The following CDAN1 variants were observed in gnomAD, a reference collection of about 807,000 sequenced individuals.
The protein encoded by CDAN1 is codanin-1.
In CDAN1, 107 loss-of-function variants were observed where a neutral mutation model predicts 139.8. The ratio of observed to expected loss-of-function variants is 0.77; its 90% CI spans 0.65 to 0.90. CDAN1 has a LOEUF of 0.90. CDAN1 is among the 40% of genes least tolerant of loss of function. CDAN1 has a pLI of 0.00. For synonymous variants in CDAN1, 776 were observed against 660.6 expected, an observed-to-expected ratio of 1.17 and a Z score of -2.68; for missense variants, 1,667 against 1,575.7, an observed-to-expected ratio of 1.06 and a Z score of -0.98.
intron 10 of CDAN1, among the ~76,000 whole-genome samples, chr15:42,732,089 A>G (rs1229911380): frequency 2.6e-5 from 4 of 152,218 alleles, no homozygotes; most frequent in Non-Finnish European, 5.9e-5. Flanking sequence ...TCTTTACCAC[A>G]GCACAAATCA....
intron 20 of CDAN1, among the ~76,000 whole-genome samples, 163 bp from the exon 21 acceptor site, chr15:42,728,430 C>G (rs1399300407): frequency 6.6e-6 from 1 of 152,022 alleles, no homozygotes; most frequent in Non-Finnish European, 1.5e-5. Context: ...AAGACAAGCC[C>G]AACTGCCAGC....
rs1298094671 is a variant in CDAN1, at chr15:42,731,309, T to C, written c.1762A>G (p.Met588Val). 2.5e-6 allele frequency: 4 copies of C among 1,613,400 alleles called. No homozygotes were observed. The highest frequency in any genetic ancestry group is 2.5e-6 in the Non-Finnish European group (3 of 1,179,592). The change falls in exon 12 of 28, where the codon ATG becomes GTG. Residue 588 changes from methionine (M) to valine (V), a missense_variant. Met to Val is a conservative substitution (Grantham distance 21). Around this residue, in one of 3 missense-constraint regions of CDAN1, gnomAD observed 936 missense variants for 844.1 expected, o/e 1.11. Transcript: ENST00000356231. ...ASSFQFNQHL[M>V]DSLSLKIQEL... ...TGGATCTTCAAGCTCAGACTGTCCA[T>C]GAGATGCTGGTTAAACTGGAAGCTG... is the stretch of plus-strand genomic sequence containing the variant.
chr15:42,724,625 CATA>C lies in CDAN1; in HGVS notation c.3559-12_3559-10del. The C allele has an allele frequency of 1.9e-6, 3 of 1,552,038 alleles. No individual in the cohort carries two copies. Among genetic ancestry groups the C allele is most frequent in the Non-Finnish European group, 2.6e-6 (3 of 1,146,968 alleles). ...AATTCTTCAGCAAAGTCCTGGAATA[CATA>C]GAAAGATGAGGGAAAAGGCAGCATG... On this transcript the variant is annotated splice_polypyrimidine_tract_variant and intron_variant, in intron 27 of 27. Coordinates refer to ENST00000356231, the MANE Select transcript of CDAN1 (RefSeq NM_138477.4).
Position 42,728,720 on chromosome 15 carries a change from G to T in CDAN1, c.2736C>A (p.Ala912=). The T allele has an allele frequency of 6.2e-7, 1 of 1,614,202 alleles. No homozygotes were observed. Among genetic ancestry groups the T allele is most frequent in the Non-Finnish European group, 8.5e-7 (1 of 1,180,030 alleles). Residue 912 remains alanine, a synonymous_variant, in exon 20 of 28, where the codon GCC becomes GCA. Coordinates refer to ENST00000356231, the MANE Select transcript of CDAN1 (RefSeq NM_138477.4). ...GGGAACACAAGATCTCCAACAGCTG[G>T]GCTGGGTCTCCCCCTTCCTCTCCCT... ...VTQGEEGGDP[A]QLLEILCSQL...
Position 42,724,349 on chromosome 15 carries a change from T to A in CDAN1, c.*142A>T. 1 of 1,136,760 alleles carries A rather than the reference T, an allele frequency of 8.8e-7. No individual in the cohort carries two copies. Among genetic ancestry groups the A allele is most frequent in the South Asian group, 1.3e-5 (1 of 74,662 alleles). 70.4% of individuals were successfully genotyped at this position (1,136,760 alleles called of 1,614,324 possible). A position where few individuals can be genotyped will look rare whatever the true frequency, so the allele number is the denominator to read the frequency against. On this transcript the variant is annotated 3_prime_UTR_variant, in exon 28 of 28. Coordinates refer to ENST00000356231, the MANE Select transcript of CDAN1 (RefSeq NM_138477.4). ...ATTCGCGTGGTGGGATGCCAGGCAG[T>A]GACACCCTTAGAGCAGGAAGTCTGA...
chr15:42,730,278 C>T, intron 14 of CDAN1, 63 bp from the exon 15 acceptor site: 1 of 1,447,364 alleles, frequency 6.9e-7, no homozygotes, highest in South Asian at 1.1e-5. Flanking sequence ...GAGGCAAACG[C>T]CATCAGTGGA....
chr15:42,730,070 C>T, intron 15 of CDAN1, 58 bp downstream of exon 15: 1 of 1,503,762 alleles, frequency 6.6e-7, no homozygotes, highest in East Asian at 2.3e-5. Flanking sequence ...AGACATTTGC[C>T]CACTCCCCAT....
chr15:42,736,901 T>C (rs2140515862), intron 1 of CDAN1, 112 bp downstream of exon 1: 6 of 1,461,876 alleles, frequency 4.1e-6, no homozygotes, highest in East Asian at 3.0e-5. Context: ...CCAGTTGGAG[T>C]GCACTCGGCC....
Position 42,729,613 on chromosome 15 carries a change from G to A in CDAN1, c.2362C>T (p.Pro788Ser). The A allele has an allele frequency of 6.2e-7, 1 of 1,614,066 alleles. No homozygotes were observed. Among genetic ancestry groups the A allele is most frequent in the Non-Finnish European group, 8.5e-7 (1 of 1,179,986 alleles). Residue 788 changes from proline to serine, a missense_variant, in exon 17 of 28, where the codon CCT becomes TCT. Around this residue, in one of 3 missense-constraint regions of CDAN1, gnomAD observed 936 missense variants for 844.1 expected, o/e 1.11. Transcript: ENST00000356231. ...TAGAGCAGCTGCTGGTCCACCACAGGCGCATTGTCCTGGGGAGAAAAGGTT... is the reference window on the plus strand; with the variant it reads ...TAGAGCAGCTGCTGGTCCACCACAGACGCATTGTCCTGGGGAGAAAAGGTT... ...VAPEHGLDNA[P>S]VVDQQLLYTC...
At chr15:42,735,709 C>G in intron 3 of CDAN1, 30 bp from the exon 4 acceptor site, 1 of 1,612,286 alleles carries the variant, frequency 6.2e-7, no homozygotes. Context: ...CATGAGCAGT[C>G]AGCTTGGCTT....
chr15:42,728,228 C>T lies in CDAN1; in HGVS notation c.2844G>A (p.Leu948=). Reference sequence around the variant, plus strand: ...CGGCTGCCGGGGTCTCCTCTGGAAGCAGCGCCCGCACAGCCCCAGGGCTCT... The same window carrying T: ...CGGCTGCCGGGGTCTCCTCTGGAAGTAGCGCCCGCACAGCCCCAGGGCTCT... ...QRKSPGAVRA[L]LPEETPAAVL... is the part of the protein sequence containing the mutation. The change falls in exon 21 of 28, where the codon CTG becomes CTA. Residue 948 remains leucine, a synonymous_variant. Coordinates refer to ENST00000356231, the MANE Select transcript of CDAN1 (RefSeq NM_138477.4). 1.9e-6 allele frequency: 3 copies of T among 1,613,922 alleles called. No individual in the cohort carries two copies. The highest frequency in any genetic ancestry group is 2.5e-6 in the Non-Finnish European group (3 of 1,180,010).
chr15:42,731,590 C>A, intron 11 of CDAN1, 30 bp downstream of exon 11: 2 of 1,609,392 alleles, frequency 1.2e-6, no homozygotes, highest in South Asian at 2.2e-5. Flanking sequence ...GGCCTCTGCC[C>A]CATTCCTTGC....
At chr15:42,732,514 T>C in intron 9 of CDAN1, 106 bp from the exon 10 acceptor site, 3 of 1,025,816 alleles carry the variant, frequency 2.9e-6, no homozygotes, top group Non-Finnish European at 4.6e-6. Context: ...ACCAGGGACT[T>C]GAGCAGACCT....
At chr15:42,735,044 G>T in intron 6 of CDAN1, 56 bp downstream of exon 6, 1 of 1,239,942 alleles carries the variant, frequency 8.1e-7, no homozygotes, top group South Asian at 1.2e-5. Context: ...CAAGCAGCCA[G>T]AGAGCTAAGC....
chr15:42,735,732 C>T (rs918417187), intron 3 of CDAN1, 53 bp from the exon 4 acceptor site: 1 of 1,599,612 alleles, frequency 6.3e-7, no homozygotes, highest in East Asian at 2.2e-5. Flanking sequence ...CTGCTACGGC[C>T]ACACTCAGGT....
At chr15:42,732,641 C>T (rs555496460) in intron 9 of CDAN1, among the ~76,000 whole-genome samples, 1 of 152,284 alleles carries the variant, frequency 6.6e-6, no homozygotes, top group South Asian at 2.1e-4. Context: ...CCACACCCCC[C>T]GACCGTCTTC....
Position 42,729,806 on chromosome 15 carries a change from T to C in CDAN1, c.2342A>G (p.Glu781Gly). Residue 781 changes from glutamate to glycine, a missense_variant, in exon 16 of 28, where the codon GAG becomes GGG. Coordinates refer to ENST00000356231, the MANE Select transcript of CDAN1 (RefSeq NM_138477.4). Reference sequence around the variant, plus strand: ...AACCCCAGCACTCACCAAGCCATGCTCTGGGGCTACTGTGTCCACCTCAAA... The same window carrying C: ...AACCCCAGCACTCACCAAGCCATGCCCTGGGGCTACTGTGTCCACCTCAAA... ...YAFEVDTVAP[E>G]HGLDNAPVVD... 1 of 1,613,510 alleles carries C rather than the reference T, an allele frequency of 6.2e-7. No individual in the cohort carries two copies. Among genetic ancestry groups the C allele is most frequent in the Non-Finnish European group, 8.5e-7 (1 of 1,179,644 alleles).
In CDAN1 at chr15:42,726,139, G is replaced by C; in HGVS notation, c.3226C>G (p.Gln1076Glu). ...TCCACAGAGCACTTTGCCAGATGCT[G>C]CTCAGCAGGTGGGCACAGGAACTGC... ...CRQFLCPPAE[Q>E]HLAKCSVELA... is the part of the protein sequence containing the mutation. Residue 1076 changes from glutamine (Q) to glutamate (E), a missense_variant, in exon 25 of 28, where the codon CAG (glutamine) becomes GAG (glutamate). Coordinates refer to ENST00000356231, the MANE Select transcript of CDAN1 (RefSeq NM_138477.4). 6.2e-7 allele frequency: 1 copy of C among 1,614,210 alleles called. No individual in the cohort carries two copies.
In CDAN1 at chr15:42,729,342, C is replaced by A; in HGVS notation, c.2428G>T (p.Ala810Ser). The change falls in exon 18 of 28, where the codon GCT (alanine) becomes TCT (serine). Residue 810 changes from alanine (A) to serine (S), a missense_variant. This residue lies in a region of CDAN1 where 936 missense variants were observed against 844.1 expected (regional missense o/e 1.11). Coordinates refer to ENST00000356231, the MANE Select transcript of CDAN1 (RefSeq NM_138477.4). ...CCACTACTGCCTGACACCCACGAAG[C>A]GAGCAGTTTCCGGAGCTCTCCTGTA... ...PYIGELRKLL[A>S]SWVSGSSGRS... 6.2e-7 allele frequency: 1 copy of A among 1,614,188 alleles called. No individual in the cohort carries two copies.
Sources: gnomAD v4.1 joint callset for allele counts (sites outside exome capture counted in the v4.1 genomes callset) on GRCh38, gnomAD v4.1.1 for gene constraint, gnomAD v4.1.1 regional missense constraint, MANE v1.5 for transcripts, NCBI Gene and HGNC (gene_info 2026-07-23, HGNC 2026-07-21) for gene names.